AKAP3: variants seen among roughly 807,000 people sequenced by gnomAD.
The protein encoded by AKAP3 is A-kinase anchor protein 3.
AKAP3 carries 27 observed loss-of-function variants against 57.2 expected under a neutral mutation model. That is an observed-to-expected ratio of 0.47 (90% confidence interval 0.35 to 0.65). The LOEUF is 0.65. Among genes scored for constraint, AKAP3 ranks in the 30% least tolerant of loss-of-function variants. The pLI is 0.01. For synonymous variants in AKAP3, 334 were observed against 392.3 expected, an observed-to-expected ratio of 0.85 and a Z score of 1.76; for missense variants, 959 against 1,040.0, an observed-to-expected ratio of 0.92 and a Z score of 1.07.
chr12:4,638,224 G>C, intron 3 of AKAP3, 28 bp from the exon 4 acceptor site: 1 of 1,512,942 alleles, frequency 6.6e-7, no homozygotes, highest in Non-Finnish European at 9.1e-7. Context: ...AAATGAGAAA[G>C]GGTCATCACA....
chr12:4,633,164 G>A (rs1314773939), intron 4 of AKAP3, among the ~76,000 whole-genome samples: 1 of 150,874 alleles, frequency 6.6e-6, no homozygotes, highest in Non-Finnish European at 1.5e-5. Flanking sequence ...GCAGTTGCCT[G>A]CAGTCCCATC....
chr12:4,641,027 T>A (rs1290143070), intron 3 of AKAP3, among the ~76,000 whole-genome samples: 2 of 149,210 alleles, frequency 1.3e-5, no homozygotes, highest in Admixed American at 1.3e-4. Context: ...ACCCATTTCT[T>A]TAAAAATTTT....
intron 4 of AKAP3, chr12:4,635,357 C>CT: frequency 1.7e-6 from 1 of 588,256 alleles, no homozygotes; most frequent in Admixed American, 2.6e-5. Flanking sequence ...TACTACAACA[C>CT]TGACTCCTGT....
intron 5 of AKAP3, among the ~76,000 whole-genome samples, chr12:4,618,114 A>G (rs1945307135): frequency 6.6e-6 from 1 of 152,238 alleles, no homozygotes; most frequent in African/African-American, 2.4e-5. Context: ...CAAATAATAA[A>G]ATGGTAAACT....
intron 4 of AKAP3, among the ~76,000 whole-genome samples, chr12:4,631,857 T>C (rs555964430): frequency 4.6e-5 from 7 of 152,370 alleles, no homozygotes; most frequent in Non-Finnish European, 8.8e-5. Context: ...TTAGATATTA[T>C]ACAATTGTAT....
intron 2 of AKAP3, among the ~76,000 whole-genome samples, chr12:4,643,421 C>G (rs1945660106): frequency 6.6e-6 from 1 of 151,402 alleles, no homozygotes. Context: ...AGTTTAAAAG[C>G]TGGTAAATAA....
chr12:4,615,995 G>C, intron 5 of AKAP3, 101 bp from the exon 6 acceptor site: 1 of 1,428,190 alleles, frequency 7.0e-7, no homozygotes, highest in Non-Finnish European at 9.6e-7. Flanking sequence ...CAGACCTTGG[G>C]AAACTGCAAC....
chr12:4,642,584 C>T (rs1463367043), intron 2 of AKAP3, among the ~76,000 whole-genome samples: 1 of 152,186 alleles, frequency 6.6e-6, no homozygotes, highest in Non-Finnish European at 1.5e-5. Context: ...AAATTCTACC[C>T]TTACTTTTTA....
chr12:4,647,918 C>T (rs1425138275), intron 1 of AKAP3: 1 of 152,166 alleles, frequency 6.6e-6, no homozygotes, highest in African/African-American at 2.4e-5. Context: ...CTTCTACATC[C>T]CTACTCATCA....
At chr12:4,634,871 C>T (rs1411529557) in intron 4 of AKAP3, among the ~76,000 whole-genome samples, 4 of 152,118 alleles carry the variant, frequency 2.6e-5, no homozygotes. Context: ...ATTTAAAATA[C>T]TGATACCAGG....
chr12:4,626,781 A>C lies in AKAP3; in HGVS notation c.2121T>G (p.Thr707=). The stretch of plus-strand genomic sequence containing the variant: ...CATATAAACTATCTGGGAAGGCCGA[A>C]GTTAGCCTACTGGCATCTCCAGACT... ...DDKSGDASRL[T]SAFPDSLYEC... The change falls in exon 5 of 6, where the codon ACT becomes ACG. Residue 707 remains threonine (T), a synonymous_variant. Coordinates refer to ENST00000228850, the MANE Select transcript of AKAP3 (RefSeq NM_001278309.2). The C allele has an allele frequency of 6.2e-7, 1 of 1,614,174 alleles. No individual in the cohort carries two copies. Among genetic ancestry groups the C allele is most frequent in the Non-Finnish European group, 8.5e-7 (1 of 1,180,022 alleles).
At chr12:4,642,061 C>T (rs1355395833) in intron 2 of AKAP3, 57 bp from the exon 3 acceptor site, 2 of 152,064 alleles carry the variant, frequency 1.3e-5, no homozygotes, top group East Asian at 3.9e-4. Context: ...ACGTATTGCT[C>T]TTATTACCCA....
chr12:4,617,354 CGAT>C (rs1254563988), intron 5 of AKAP3, among the ~76,000 whole-genome samples: 1 of 152,096 alleles, frequency 6.6e-6, no homozygotes, highest in East Asian at 1.9e-4. Context: ...GAGAGAAGGA[CGAT>C]GATATCAGAA....
chr12:4,633,292 TA>T (rs1195956599), intron 4 of AKAP3, among the ~76,000 whole-genome samples: 1 of 151,850 alleles, frequency 6.6e-6, no homozygotes, highest in Non-Finnish European at 1.5e-5. Context: ...AAATAAAATT[TA>T]AAAAAATAAA....
intron 5 of AKAP3, among the ~76,000 whole-genome samples, chr12:4,617,546 AG>A (rs1332101935): frequency 2.0e-4 from 30 of 152,242 alleles, no homozygotes; most frequent in African/African-American, 6.8e-4. Flanking sequence ...TGAAGTCAGG[AG>A]TTTGAGACCA....
rs548170282 is a variant in AKAP3, at chr12:4,630,423, G to A, written c.97-1618C>T. On this transcript the variant is annotated intron_variant, in intron 4 of 5. Coordinates refer to ENST00000228850, the MANE Select transcript of AKAP3 (RefSeq NM_001278309.2). ...GCAATTCTGATTCTAAAATCTGGGC[G>A]CTCCACGTCTACAATATCCTGCTGT... Among the ~76,000 whole-genome samples, 31 of 152,158 alleles carry A rather than the reference G, an allele frequency of 2.0e-4. No homozygotes were observed. The East Asian group carries it at 5.4e-3, about 27-fold the overall frequency.
chr12:4,644,863 G>A (rs1426993516), intron 2 of AKAP3, among the ~76,000 whole-genome samples, 192 bp downstream of exon 2: 5 of 152,076 alleles, frequency 3.3e-5, no homozygotes, highest in Admixed American at 6.5e-5. Context: ...GCAGTGAGCC[G>A]AGATTGCAGC....
rs767460459 is a variant in AKAP3, at chr12:4,619,581, AC to A, written c.2407-3688del. Among the ~76,000 whole-genome samples, 171 of 152,260 alleles carry A rather than the reference AC, an allele frequency of 1.1e-3. 1 individual carries two copies. Among genetic ancestry groups the A allele is most frequent in the African/African-American group, 3.6e-3 (150 of 41,528 alleles). ...CAAAAACAACAACAACAACAAAAAA[AC>A]ATAAGAAAAAAGGAAAGAAAATAAA... On this transcript the variant is annotated intron_variant, in intron 5 of 5. Coordinates refer to ENST00000228850, the MANE Select transcript of AKAP3 (RefSeq NM_001278309.2).
intron 4 of AKAP3, among the ~76,000 whole-genome samples, chr12:4,636,829 G>A (rs1014687854): frequency 5.9e-5 from 9 of 152,022 alleles, no homozygotes; most frequent in African/African-American, 2.2e-4. Flanking sequence ...AGCTCACTAC[G>A]ACCTCAAACT....
Sources: gnomAD v4.1 joint callset for allele counts (sites outside exome capture counted in the v4.1 genomes callset) on GRCh38, gnomAD v4.1.1 for gene constraint, MANE v1.5 for transcripts, NCBI Gene and HGNC (gene_info 2026-07-23, HGNC 2026-07-21) for gene names.